Variants in POMT1 observed in about 807,000 individuals in gnomAD.
POMT1 encodes protein O-mannosyl-transferase 1.
A neutral mutation model predicts 101.6 loss-of-function variants in POMT1; 85 were observed. That is an observed-to-expected ratio of 0.84 (90% CI 0.70 to 1.00). The LOEUF is 1.00. Among genes scored for constraint, POMT1 ranks in the 50% least tolerant of loss-of-function variants. The pLI, the probability that POMT1 is intolerant of heterozygous loss-of-function variation, is 0.00. For synonymous variants in POMT1, 371 were observed against 383.0 expected, an observed-to-expected ratio of 0.97 and a Z score of 0.37; for missense variants, 857 against 930.4, an observed-to-expected ratio of 0.92 and a Z score of 1.03.
rs896270927 is a variant in POMT1, at chr9:131,515,157, G to A, written c.1176-269G>A. ...GGTTCCTTCCTCTGAAACTTGGTTC[G>A]CTCGTCTAACAGGTGGAAGGTTCCA... On this transcript the variant is annotated intron_variant, in intron 12 of 19. Transcript: ENST00000402686. 3.3e-5 allele frequency among the ~76,000 whole-genome samples: 5 copies of A among 152,196 alleles called. No individual in the cohort carries two copies. In the East Asian group the frequency reaches 7.7e-4, roughly 23 times the overall value.
Position 131,522,031 on chromosome 9 carries a change from G to A in POMT1, c.1826-16G>A, listed in dbSNP as rs781195768. ...GGGAGCAGCAGAGTCGGTGTAGCTC[G>A]AGCCCTTTCCTATAGATGCCTGGCT... On this transcript the variant is annotated splice_polypyrimidine_tract_variant and intron_variant, in intron 18 of 19. Coordinates refer to ENST00000402686, the MANE Select transcript of POMT1 (RefSeq NM_001077365.2). The surrounding 1 kb of genome is among the most constrained non-coding windows in gnomAD (Gnocchi z 5.5). The A allele has an allele frequency of 2.9e-5, 46 of 1,613,024 alleles. No individual in the cohort carries two copies. Among genetic ancestry groups the A allele is most frequent in the Middle Eastern group, 1.6e-4 (1 of 6,082 alleles).
At chr9:131,518,313 C>T (rs2131845295) in intron 13 of POMT1, 132 bp from the exon 14 acceptor site, 2 of 858,672 alleles carry the variant, frequency 2.3e-6, no homozygotes, top group Non-Finnish European at 4.0e-6. Flanking sequence ...CCCCTTATAG[C>T]TTCCCTCACT....
rs1226687305 is a variant in POMT1 at position 131,503,609 on chromosome 9, T to G, written c.-31+536T>G. On this transcript the variant is annotated intron_variant, in intron 1 of 19. Transcript: ENST00000402686. The surrounding 1 kb of genome is among the most constrained non-coding windows in gnomAD (Gnocchi z 4.4). ...GATGCAGCCTCAAGAGAAGCGGAGC[T>G]CAAGGGAAGATGAAGCCTGGAGGAG... Among the ~76,000 whole-genome samples the G allele has an allele frequency of 1.3e-5, 2 of 151,852 alleles. No homozygotes were observed. The highest frequency in any genetic ancestry group is 4.8e-5 in the African/African-American group (2 of 41,326).
rs1945082675 is a variant in POMT1, at chr9:131,503,663, C to T, written c.-30-526C>T. Among the ~76,000 whole-genome samples, 1 of 152,094 alleles carries T rather than the reference C, an allele frequency of 6.6e-6. No individual in the cohort carries two copies. The highest frequency in any genetic ancestry group is 1.5e-5 in the Non-Finnish European group (1 of 68,006). ...GTGGGGGCGCAGGGTGCAAATGCAC[C>T]CTCCAGGCGAGAAAGGGAGCACCCG... On this transcript the variant is annotated intron_variant, in intron 1 of 19. Transcript: ENST00000402686. The surrounding 1 kb of genome is among the most constrained non-coding windows in gnomAD (Gnocchi z 4.4).
intron 9 of POMT1, 113 bp downstream of exon 9, chr9:131,510,528 T>A (rs1946887920): frequency 7.4e-7 from 1 of 1,356,446 alleles, no homozygotes. Flanking sequence ...ACATGAAGAA[T>A]CCACATCCAT....
At chr9:131,509,236 C>T (rs142432295) in intron 6 of POMT1, among the ~76,000 whole-genome samples, 29 of 152,222 alleles carry the variant, frequency 1.9e-4, no homozygotes, top group African/African-American at 6.5e-4. Flanking sequence ...CTGCAACCTC[C>T]GCTTCCCAGG....
Position 131,509,016 on chromosome 9 carries a change from A to C in POMT1, c.533A>C (p.Lys178Thr), listed in dbSNP as rs1262624042. Residue 178 changes from lysine to threonine, a missense_variant, in exon 6 of 20, where the codon AAG becomes ACG. By Grantham distance (78) the Lys-to-Thr change is moderately conservative. Transcript: ENST00000402686. The part of the protein sequence containing the change: ...LSYLKFFNCQ[K>T]HSPFSLSWWF... Reference sequence around the variant, plus strand: ...TACCTGAAGTTCTTCAACTGCCAAAAGCACAGGTATGGAAAATGGAGTGTC... The same window carrying C: ...TACCTGAAGTTCTTCAACTGCCAAACGCACAGGTATGGAAAATGGAGTGTC... 1 of 1,603,792 alleles carries C rather than the reference A, an allele frequency of 6.2e-7. No individual in the cohort carries two copies. The highest frequency in any genetic ancestry group is 8.5e-7 in the Non-Finnish European group (1 of 1,170,606).
At chr9:131,514,211 T>TC (rs1438956416) in intron 12 of POMT1, among the ~76,000 whole-genome samples, 1 of 152,180 alleles carries the variant, frequency 6.6e-6, no homozygotes, top group East Asian at 1.9e-4. Context: ...CAGCAGCCTG[T>TC]CCGGCCTGCG....
At chr9:131,509,606 A>G in intron 6 of POMT1, 137 bp from the exon 7 acceptor site, 13 of 1,543,828 alleles carry the variant, frequency 8.4e-6, no homozygotes, top group Non-Finnish European at 1.1e-5. Context: ...GGAGATGGGA[A>G]TTCTTTCTTA....
rs1945760908 is a variant in POMT1 at position 131,506,141 on chromosome 9, C to T, written c.150C>T (p.Tyr50=). Residue 50 remains tyrosine (Y), a synonymous_variant, in exon 3 of 20, where the codon TAC becomes TAT. Transcript: ENST00000402686. ...VVFDEVYYGQ[Y]ISFYMKQIFF... The stretch of plus-strand genomic sequence containing the variant: ...TTGACGAAGTATATTATGGGCAGTA[C>T]ATCTCTTTTTACATGAAACAAATCT... The T allele has an allele frequency of 6.2e-7, 1 of 1,613,970 alleles. No homozygotes were observed. Among genetic ancestry groups the T allele is most frequent in the Non-Finnish European group, 8.5e-7 (1 of 1,179,984 alleles).
chr9:131,518,900 T>C lies in POMT1; in HGVS notation c.1429T>C (p.Ser477Pro). ...ACTGGAGATCGTCGGGGAGAAGCTG[T>C]CCCGGGGCTACCACGGGAGCACGGT... ...RQLEIVGEKL[S>P]RGYHGSTVWN... Residue 477 changes from serine (S) to proline (P), a missense_variant, in exon 15 of 20, where the codon TCC becomes CCC. Coordinates refer to ENST00000402686, the MANE Select transcript of POMT1 (RefSeq NM_001077365.2). 1 of 1,613,804 alleles carries C rather than the reference T, an allele frequency of 6.2e-7. No individual in the cohort carries two copies. Among genetic ancestry groups the C allele is most frequent in the Admixed American group, 1.7e-5 (1 of 60,018 alleles).
intron 12 of POMT1, among the ~76,000 whole-genome samples, chr9:131,513,706 C>T (rs1206470594): frequency 6.6e-6 from 1 of 152,212 alleles, no homozygotes; most frequent in Non-Finnish European, 1.5e-5. Flanking sequence ...TGAGTGAGTC[C>T]AAGAAGCCTG....
At chr9:131,504,661 C>T (rs567260830) in intron 2 of POMT1, among the ~76,000 whole-genome samples, 1 of 152,006 alleles carries the variant, frequency 6.6e-6, no homozygotes, top group African/African-American at 2.4e-5. Context: ...TAAGTCTTCA[C>T]TGTTGAGAGC....
chr9:131,512,211 C>T, intron 11 of POMT1, 75 bp downstream of exon 11: 1 of 1,571,208 alleles, frequency 6.4e-7, no homozygotes. Context: ...GGATGCAGTC[C>T]TGGGCCCCCT....
In POMT1 at chr9:131,504,272, C is replaced by T. The variant is rs937876384; in HGVS notation, c.54C>T (p.Ser18=). ...TGGTGACGGCTGACATCAACTTGAGCCTTGTGGCCCTGACTGGGATGGGGT... is the reference window on the plus strand; with the variant it reads ...TGGTGACGGCTGACATCAACTTGAGTCTTGTGGCCCTGACTGGGATGGGGT... ...PVVVTADINL[S]LVALTGMGLL... is the part of the protein sequence containing the mutation. The change falls in exon 2 of 20, where the codon AGC becomes AGT. Residue 18 remains serine (S), a synonymous_variant. Transcript: ENST00000402686. 1 of 1,614,046 alleles carries T rather than the reference C, an allele frequency of 6.2e-7. No individual in the cohort carries two copies. Among genetic ancestry groups the T allele is most frequent in the African/African-American group, 1.3e-5 (1 of 74,908 alleles).
In POMT1 at chr9:131,513,221, C is replaced by T; in HGVS notation, c.1083-18C>T. 6.2e-7 allele frequency: 1 copy of T among 1,608,876 alleles called. No homozygotes were observed. Among genetic ancestry groups the T allele is most frequent in the Non-Finnish European group, 8.5e-7 (1 of 1,176,448 alleles). ...GGGACCAGGCTCTGTGTGGTCCCGA[C>T]AGCACTGTGTCTTCCAGGCACCAGC... On this transcript the variant is annotated intron_variant, in intron 11 of 19. Coordinates refer to ENST00000402686, the MANE Select transcript of POMT1 (RefSeq NM_001077365.2).
intron 17 of POMT1, 74 bp downstream of exon 17, chr9:131,520,267 G>A (rs1034209081): frequency 3.2e-6 from 4 of 1,242,232 alleles, no homozygotes; most frequent in Non-Finnish European, 4.7e-6. Flanking sequence ...ATTAAGAGCA[G>A]CCGCTGCACC....
chr9:131,507,644 T>A, intron 5 of POMT1, 130 bp downstream of exon 5: 2 of 1,337,298 alleles, frequency 1.5e-6, no homozygotes, highest in Non-Finnish European at 2.1e-6. Context: ...AATTTGACGC[T>A]GCAAGTCACC....
Position 131,515,687 on chromosome 9 carries a change from GACACTTCCTCACACGGA to G in POMT1, c.1272+183_1272+199del, listed in dbSNP as rs1356116423. On this transcript the variant is annotated intron_variant, in intron 13 of 19. Coordinates refer to ENST00000402686, the MANE Select transcript of POMT1 (RefSeq NM_001077365.2). ...ACACGGAGCACTTCCTCTAACACAG[GACACTTCCTCACACGGA>G]ACACTTCCTCACACGGAGCACTTCC... Among the ~76,000 whole-genome samples the G allele has an allele frequency of 2.0e-3, 284 of 143,770 alleles. 3 individuals are homozygous for G. The highest frequency in any genetic ancestry group is 6.8e-3 in the African/African-American group (265 of 38,824). 94.3% of individuals were successfully genotyped at this position (143,770 alleles called of 152,430 possible).
Sources: gnomAD v4.1 joint callset for allele counts (sites outside exome capture counted in the v4.1 genomes callset) on GRCh38, gnomAD v4.1.1 for gene constraint, Gnocchi (gnomAD v3.1) non-coding constraint, MANE v1.5 for transcripts, NCBI Gene and HGNC (gene_info 2026-07-23, HGNC 2026-07-21) for gene names.